ATP8B4: variants seen among roughly 807,000 people sequenced by gnomAD.
ATP8B4 encodes probable phospholipid-transporting ATPase IM.
In ATP8B4, 133 loss-of-function variants were observed where a neutral mutation model predicts 145.6. The ratio of observed to expected loss-of-function variants is 0.91; its 90% confidence interval spans 0.79 to 1.05. The LOEUF is 1.05. Ranked by LOEUF, ATP8B4 falls within the 50% of genes least tolerant of loss-of-function variation. ATP8B4 has a pLI of 0.00. For synonymous variants in ATP8B4, 507 were observed against 492.9 expected, an observed-to-expected ratio of 1.03 and a Z score of -0.38; for missense variants, 1,458 against 1,425.2, an observed-to-expected ratio of 1.02 and a Z score of -0.37.
chr15:49,956,625 T>C (rs574870994), intron 14 of ATP8B4, among the ~76,000 whole-genome samples: 1 of 152,308 alleles, frequency 6.6e-6, no homozygotes, highest in South Asian at 2.1e-4. Context: ...CATTGCAGCC[T>C]GGAACTGATG....
At chr15:50,170,365 T>C (rs1326466542) in intron 1 of ATP8B4, among the ~76,000 whole-genome samples, 1 of 152,182 alleles carries the variant, frequency 6.6e-6, no homozygotes, top group Non-Finnish European at 1.5e-5. Context: ...TGGGGACTTA[T>C]CTTCAGACTC....
chr15:49,901,831 A>C (rs2038072729), intron 20 of ATP8B4: 1 of 431,696 alleles, frequency 2.3e-6, no homozygotes, highest in Non-Finnish European at 4.6e-6. Flanking sequence ...TTTTAAGCAA[A>C]AATTGTATTC....
intron 2 of ATP8B4, 115 bp from the exon 3 acceptor site, chr15:50,074,300 T>C: frequency 1.1e-6 from 1 of 905,454 alleles, no homozygotes; most frequent in Non-Finnish European, 1.7e-6. Flanking sequence ...AATTCTTTTC[T>C]TTCAAATTTG....
chr15:49,940,078 C>T (rs1327496981), intron 14 of ATP8B4, among the ~76,000 whole-genome samples: 8 of 151,994 alleles, frequency 5.3e-5, no homozygotes, highest in South Asian at 4.1e-4. Context: ...ATTGTTCTGC[C>T]GAAAATACAC....
intron 3 of ATP8B4, among the ~76,000 whole-genome samples, chr15:50,070,656 T>C (rs1402617156): frequency 1.3e-5 from 2 of 152,198 alleles, no homozygotes; most frequent in African/African-American, 2.4e-5. Flanking sequence ...TGTAGTTTTC[T>C]TTCTCCACTT....
At chr15:49,979,445 CAT>C (rs1479944901) in intron 12 of ATP8B4, among the ~76,000 whole-genome samples, 170 bp downstream of exon 12, 1 of 152,078 alleles carries the variant, frequency 6.6e-6, no homozygotes, top group Non-Finnish European at 1.5e-5. Context: ...AATTTGAAAA[CAT>C]AAAAGTTAAC....
At chr15:50,127,034 C>G (rs1245266300) in intron 1 of ATP8B4, among the ~76,000 whole-genome samples, 1 of 152,126 alleles carries the variant, frequency 6.6e-6, no homozygotes, top group Non-Finnish European at 1.5e-5. Context: ...TTCTGCTGAC[C>G]CCAAGTTTTT....
At chr15:49,927,245 A>G (rs2040808438) in intron 16 of ATP8B4, among the ~76,000 whole-genome samples, 2 of 152,116 alleles carry the variant, frequency 1.3e-5, no homozygotes, top group South Asian at 4.1e-4. Context: ...TCAGAATGAA[A>G]GTACTACTGG....
intron 1 of ATP8B4, among the ~76,000 whole-genome samples, chr15:50,139,106 T>C (rs1282292050): frequency 2.0e-5 from 3 of 152,200 alleles, no homozygotes; most frequent in Non-Finnish European, 2.9e-5. Context: ...CAAAGGATTA[T>C]AAATCATTGT....
intron 20 of ATP8B4, among the ~76,000 whole-genome samples, chr15:49,905,224 T>G (rs2038472070): frequency 6.6e-6 from 1 of 152,212 alleles, no homozygotes; most frequent in Admixed American, 6.5e-5. Context: ...TATCCATGTT[T>G]ATGAAATAAT....
chr15:50,123,152 G>A (rs1457935500), upstream of ATP8B4, among the ~76,000 whole-genome samples: 1 of 152,124 alleles, frequency 6.6e-6, no homozygotes, highest in Non-Finnish European at 1.5e-5. Flanking sequence ...GGAGACTGAA[G>A]CCACCTTTGC....
intron 23 of ATP8B4, chr15:49,883,670 C>T (rs1007468051): frequency 1.3e-5 from 2 of 152,058 alleles, no homozygotes; most frequent in African/African-American, 2.4e-5. Context: ...CAATGTCATA[C>T]CTTAAATGCA....
At chr15:49,898,992 C>T (rs932086316) in intron 21 of ATP8B4, among the ~76,000 whole-genome samples, 3 of 152,048 alleles carry the variant, frequency 2.0e-5, no homozygotes, top group African/African-American at 7.2e-5. Context: ...TTAATAAACA[C>T]ATTAAGAGGA....
At chr15:49,861,572 G>A (rs1291337070) in intron 27 of ATP8B4, among the ~76,000 whole-genome samples, 1 of 152,034 alleles carries the variant, frequency 6.6e-6, no homozygotes, top group Non-Finnish European at 1.5e-5. Flanking sequence ...CTCATGACAT[G>A]GCTATGAATG....
At chr15:50,119,722 G>A (rs1298560227), upstream of ATP8B4, among the ~76,000 whole-genome samples, 1 of 145,118 alleles carries the variant, frequency 6.9e-6, no homozygotes, top group Non-Finnish European at 1.5e-5. Flanking sequence ...CTTTTGCAGA[G>A]ATGAAAGAAT....
At chr15:50,172,476 G>A (rs1429057919) in intron 1 of ATP8B4, among the ~76,000 whole-genome samples, 3 of 152,236 alleles carry the variant, frequency 2.0e-5, no homozygotes, top group African/African-American at 4.8e-5. Flanking sequence ...TGCAGCCGGC[G>A]TGATCTCGGC....
rs1566948839 is a variant in ATP8B4 at position 49,898,129 on chromosome 15, C to T, written c.2412G>A (p.Lys804=). 6.2e-7 allele frequency: 1 copy of T among 1,613,954 alleles called. No individual in the cohort carries two copies. Among genetic ancestry groups the T allele is most frequent in the East Asian group, 2.2e-5 (1 of 44,870 alleles). ...TGGCCAAAGTAACAGCATTTCTGTACTTCTTCACCAGCTCTACCACTTGGG... is the reference window on the plus strand; with the variant it reads ...TGGCCAAAGTAACAGCATTTCTGTATTTCTTCACCAGCTCTACCACTTGGG... ...QKAQVVELVK[K]YRNAVTLAIG... The change falls in exon 22 of 28, where the codon AAG becomes AAA. Residue 804 remains lysine, a synonymous_variant. Coordinates refer to ENST00000284509, the MANE Select transcript of ATP8B4 (RefSeq NM_024837.4).
At chr15:50,029,222 G>GAGCA (rs1426230080) in intron 6 of ATP8B4, among the ~76,000 whole-genome samples, 2 of 97,294 alleles carry the variant, frequency 2.1e-5, no homozygotes, top group Admixed American at 1.3e-4. Context: ...CCTGGCAACA[G>GAGCA]AGCAAGACTC....
At chr15:49,880,086 G>A (rs183918296) in intron 23 of ATP8B4, 1 of 152,324 alleles carries the variant, frequency 6.6e-6, no homozygotes, top group East Asian at 1.9e-4. Flanking sequence ...TTGCCTATGA[G>A]TACACACAGT....
Sources: gnomAD v4.1 joint callset for allele counts (sites outside exome capture counted in the v4.1 genomes callset) on GRCh38, gnomAD v4.1.1 for gene constraint, MANE v1.5 for transcripts, NCBI Gene and HGNC (gene_info 2026-07-23, HGNC 2026-07-21) for gene names.